The following TULP4 variants were observed in gnomAD, a reference collection of about 807,000 sequenced individuals.
The protein encoded by TULP4 is tubby-related protein 4.
TULP4 carries 16 observed loss-of-function variants against 129.0 expected under a neutral mutation model. That is an observed-to-expected ratio of 0.12 (90% CI 0.08 to 0.19). The LOEUF (loss-of-function observed/expected upper bound fraction) is 0.19. Among genes scored for constraint, TULP4 ranks in the 10% least tolerant of loss-of-function variants. The pLI is 1.00. For synonymous variants in TULP4, 998 were observed against 854.0 expected (o/e 1.17, Z -2.94); for missense variants, 1,842 against 2,059.1 (o/e 0.89, Z 2.04).
chr6:158,234,023 T>C (rs1299576944), intron 1 of TULP4, among the ~76,000 whole-genome samples: 2 of 152,174 alleles, frequency 1.3e-5, no homozygotes, highest in Non-Finnish European at 2.9e-5. Flanking sequence ...TTCAACACAA[T>C]GGAACTTTCA....
chr6:158,238,989 T>A (rs1229860994), intron 1 of TULP4, among the ~76,000 whole-genome samples: 8 of 141,742 alleles, frequency 5.6e-5, no homozygotes, highest in Non-Finnish European at 1.1e-4. Context: ...GCTCCTCACT[T>A]CCCAGTAGGG....
At chr6:158,401,448 G>A (rs921338821) in intron 1 of TULP4, among the ~76,000 whole-genome samples, 12 of 152,178 alleles carry the variant, frequency 7.9e-5, no homozygotes, top group African/African-American at 9.7e-5. Flanking sequence ...ATGTGTGCAC[G>A]CAGTTTGCTT....
At chr6:158,439,873 G>A (rs1371557890) in intron 3 of TULP4, among the ~76,000 whole-genome samples, 6 of 151,264 alleles carry the variant, frequency 4.0e-5, no homozygotes, top group Non-Finnish European at 7.4e-5. Flanking sequence ...CACCATGCCC[G>A]GCTAATTTTT....
upstream of TULP4, among the ~76,000 whole-genome samples, chr6:158,282,037 G>T (rs1778763192): frequency 6.6e-6 from 1 of 151,976 alleles, no homozygotes; most frequent in African/African-American, 2.4e-5. Context: ...CATTTTTGCT[G>T]TCTTCTTTTT....
In TULP4 at chr6:158,401,647, C is replaced by A. The variant is rs375903417; in HGVS notation, c.253-11418C>A. Among the ~76,000 whole-genome samples the A allele has an allele frequency of 1.4e-3, 206 of 151,782 alleles. 1 individual carries two copies. The highest frequency in any genetic ancestry group is 4.6e-3 in the African/African-American group (191 of 41,464). On this transcript the variant is annotated intron_variant, in intron 1 of 13. Coordinates refer to ENST00000367097, the MANE Select transcript of TULP4 (RefSeq NM_020245.5). ...CAGGGTGTGGTCAAGCCGTTCTAAG[C>A]ATGTGGCAGGTAGAGTCAGCTCTGG... is the stretch of plus-strand genomic sequence containing the variant.
At position 158,502,312 on chromosome 6, in the gene TULP4, G is replaced by T; in HGVS notation, c.2649G>T (p.Leu883=). The T allele has an allele frequency of 1.2e-6, 2 of 1,612,776 alleles. No homozygotes were observed. The highest frequency in any genetic ancestry group is 1.7e-6 in the Non-Finnish European group (2 of 1,179,818). Residue 883 remains leucine (L), a synonymous_variant, in exon 13 of 14, where the codon CTG becomes CTT. Coordinates refer to ENST00000367097, the MANE Select transcript of TULP4 (RefSeq NM_020245.5). ...YPTSVHYQTP[L]GYERITTFDS... ...CGTCAGTGCACTACCAGACCCCCCT[G>T]GGCTATGAGAGGATCACCACCTTCG...
Position 158,345,639 on chromosome 6 carries a change from G to A in TULP4, c.252+31371G>A, listed in dbSNP as rs567901282. 1.1e-4 allele frequency among the ~76,000 whole-genome samples: 17 copies of A among 152,254 alleles called. No homozygotes were observed. In the South Asian group the frequency reaches 3.5e-3, roughly 32 times the overall value. ...TCACAAAGATCACATACTTCAAAGG[G>A]CAAAAAACAGAACTACTGATAAGAG... On this transcript the variant is annotated intron_variant, in intron 1 of 13. Coordinates refer to ENST00000367097, the MANE Select transcript of TULP4 (RefSeq NM_020245.5).
chr6:158,456,875 CT>C (rs1372837257), intron 5 of TULP4, among the ~76,000 whole-genome samples: 2 of 151,808 alleles, frequency 1.3e-5, no homozygotes, highest in Admixed American at 1.3e-4. Flanking sequence ...AAACACCATA[CT>C]TGGGATCTCG....
In TULP4 at chr6:158,380,894, CA is replaced by C. The variant is rs1227720723; in HGVS notation, c.253-32153del. Among the ~76,000 whole-genome samples the C allele has an allele frequency of 1.1e-3, 76 of 72,250 alleles. 1 individual carries two copies. The highest frequency in any genetic ancestry group is 2.3e-3 in the African/African-American group (40 of 17,590). 47.4% of individuals were successfully genotyped at this position (72,250 alleles called of 152,430 possible). Reference sequence around the variant, plus strand: ...GGGCGACAGAGCAAGACTCTGTCTCCAAAAAAAAAAAAAAAAAAGAAGAAGA... The same window carrying C: ...GGGCGACAGAGCAAGACTCTGTCTCCAAAAAAAAAAAAAAAAAGAAGAAGA... On this transcript the variant is annotated intron_variant, in intron 1 of 13. Transcript: ENST00000367097.
intron 1 of TULP4, among the ~76,000 whole-genome samples, chr6:158,317,412 C>T (rs1183686288): frequency 1.5e-4 from 22 of 148,138 alleles, no homozygotes; most frequent in South Asian, 4.3e-4. Context: ...TGAGAACATG[C>T]GGTGTTTGGT....
chr6:158,347,065 A>G (rs546459020), intron 1 of TULP4, among the ~76,000 whole-genome samples: 1 of 152,308 alleles, frequency 6.6e-6, no homozygotes, highest in Admixed American at 6.5e-5. Flanking sequence ...TATTTCTTAT[A>G]GGGCTTTCAG....
At chr6:158,266,125 T>C (rs990225291) in intron 1 of TULP4, among the ~76,000 whole-genome samples, 8 of 152,232 alleles carry the variant, frequency 5.3e-5, no homozygotes, top group African/African-American at 1.9e-4. Flanking sequence ...ATAGGCACTT[T>C]TTTCCAAAAA....
Position 158,423,418 on chromosome 6 carries a change from A to G in TULP4, c.382-6318A>G, listed in dbSNP as rs187782694. On this transcript the variant is annotated intron_variant, in intron 2 of 13. Coordinates refer to ENST00000367097, the MANE Select transcript of TULP4 (RefSeq NM_020245.5). ...AAATAACAATGTAGAGCATATTTCAAGATTGCTAGAAGAGAAAATGTTAAG... is the reference window on the plus strand; with the variant it reads ...AAATAACAATGTAGAGCATATTTCAGGATTGCTAGAAGAGAAAATGTTAAG... Among the ~76,000 whole-genome samples the G allele has an allele frequency of 3.6e-4, 55 of 152,346 alleles. No homozygotes were observed. The East Asian group carries it at 5.0e-3, about 14-fold the overall frequency.
chr6:158,296,330 C>T (rs1350188523), intron 1 of TULP4, among the ~76,000 whole-genome samples: 3 of 151,908 alleles, frequency 2.0e-5, no homozygotes, highest in Non-Finnish European at 4.4e-5. Context: ...CCATAAGTGT[C>T]GGCCAGCTGA....
At position 158,502,068 on chromosome 6, in the gene TULP4, C is replaced by T. The variant is rs922168133; in HGVS notation, c.2405C>T (p.Ala802Val). The T allele has an allele frequency of 6.2e-7, 1 of 1,612,984 alleles. No individual in the cohort carries two copies. The highest frequency in any genetic ancestry group is 1.3e-5 in the African/African-American group (1 of 74,954). ...DRDHEHLQKS[A>V]KALRPTPQLA... ...GACCACGAACACCTGCAGAAGTCAGCCAAGGCCCTGCGGCCAACACCGCAG... is the reference window on the plus strand; with the variant it reads ...GACCACGAACACCTGCAGAAGTCAGTCAAGGCCCTGCGGCCAACACCGCAG... Residue 802 changes from alanine to valine, a missense_variant, in exon 13 of 14, where the codon GCC (alanine) becomes GTC (valine). Coordinates refer to ENST00000367097, the MANE Select transcript of TULP4 (RefSeq NM_020245.5).
rs1212079438 is a variant in TULP4, at chr6:158,511,380, TTC to T, written c.*4688_*4689del. 2.5e-5 allele frequency: 3 copies of T among 120,882 alleles called. No homozygotes were observed. Among genetic ancestry groups the T allele is most frequent in the African/African-American group, 9.6e-5 (3 of 31,232 alleles). The allele number at this position is 120,882 out of a possible 1,614,324, so 7.5% of individuals were successfully genotyped here. On this transcript the variant is annotated 3_prime_UTR_variant, in exon 14 of 14. Transcript: ENST00000367097. Reference sequence around the variant, plus strand: ...TTCTGAGTTTATTACTACTGGCATTTTCTTTTTCCCTTTTTTTTTTTTTTAAC... The same window carrying T: ...TTCTGAGTTTATTACTACTGGCATTTTTTTTCCCTTTTTTTTTTTTTTAAC...
At chr6:158,415,367 TGAGACG>T (rs1778184026) in intron 2 of TULP4, among the ~76,000 whole-genome samples, 2 of 148,062 alleles carry the variant, frequency 1.4e-5, no homozygotes, top group Admixed American at 6.7e-5. Flanking sequence ...TTTTTTTTTT[TGAGACG>T]GAGTCACGCT....
chr6:158,309,661 G>T (rs1779301449), upstream of TULP4, among the ~76,000 whole-genome samples: 1 of 152,170 alleles, frequency 6.6e-6, no homozygotes, highest in African/African-American at 2.4e-5. Context: ...GGCTGAGGCT[G>T]GCGGATCACT....
At chr6:158,301,330 C>T (rs1198631131) in intron 1 of TULP4, among the ~76,000 whole-genome samples, 2 of 151,974 alleles carry the variant, frequency 1.3e-5, no homozygotes, top group Non-Finnish European at 2.9e-5. Context: ...GTAATGGCCT[C>T]AGGAATGGGC....
Sources: allele counts gnomAD v4.1 joint callset (sites outside exome capture counted in the v4.1 genomes callset), GRCh38; gene constraint gnomAD v4.1.1; transcripts MANE v1.5; gene names NCBI Gene and HGNC (gene_info 2026-07-23, HGNC 2026-07-21).